Variants in SUPT3H observed in about 807,000 individuals in gnomAD.
SUPT3H encodes the protein transcription initiation protein SPT3 homolog.
A neutral mutation model predicts 44.3 loss-of-function variants in SUPT3H; 44 were observed. That is an observed-to-expected ratio of 0.99 (90% CI 0.78 to 1.28). SUPT3H has a LOEUF of 1.28. Among genes scored for constraint, SUPT3H ranks in the 50% most tolerant of loss-of-function variants. SUPT3H has a pLI of 0.00. For synonymous variants in SUPT3H, 124 were observed against 125.6 expected (o/e 0.99, Z 0.09); for missense variants, 380 against 387.1 (o/e 0.98, Z 0.15).
chr6:45,062,461 A>C (rs1792272436), intron 3 of SUPT3H, among the ~76,000 whole-genome samples: 1 of 151,964 alleles, frequency 6.6e-6, no homozygotes, highest in Admixed American at 6.6e-5. Context: ...TGAGGAGCCA[A>C]GATGGCCGAA....
intron 10 of SUPT3H, among the ~76,000 whole-genome samples, chr6:44,929,823 C>T (rs923890439): frequency 4.0e-5 from 6 of 151,314 alleles, no homozygotes; most frequent in Admixed American, 2.0e-4. Flanking sequence ...ACAGGGTGGC[C>T]GCGTTATTGA....
In SUPT3H at chr6:45,099,438, G is replaced by A. The variant is rs556593965; in HGVS notation, c.186+6484C>T. ...CCAAGTTTATAACCTCTATTCCAAT[G>A]CTTACTTTCCTCAATTCAACTCAAT... On this transcript the variant is annotated intron_variant, in intron 3 of 10. Transcript: ENST00000371459. 2.6e-5 allele frequency among the ~76,000 whole-genome samples: 4 copies of A among 151,446 alleles called. No individual in the cohort carries two copies. The South Asian group carries it at 8.3e-4, about 31-fold the overall frequency.
At chr6:45,051,715 C>T (rs1025158392) in intron 3 of SUPT3H, among the ~76,000 whole-genome samples, 6 of 151,904 alleles carry the variant, frequency 3.9e-5, no homozygotes, top group African/African-American at 9.7e-5. Flanking sequence ...TTGAGTATTG[C>T]CAGCTGAATA....
At chr6:45,362,044 T>A (rs1028804337) in intron 2 of SUPT3H, among the ~76,000 whole-genome samples, 2 of 151,992 alleles carry the variant, frequency 1.3e-5, no homozygotes, top group Non-Finnish European at 1.5e-5. Flanking sequence ...CAAAGCTAGA[T>A]TCCTCTCAAA....
chr6:44,948,229 A>T (rs561655713), intron 9 of SUPT3H, among the ~76,000 whole-genome samples: 1 of 152,298 alleles, frequency 6.6e-6, no homozygotes, highest in Non-Finnish European at 1.5e-5. Flanking sequence ...CACCTTATAC[A>T]AAAATTAATT....
intron 6 of SUPT3H, among the ~76,000 whole-genome samples, chr6:44,977,555 T>C (rs1400367439): frequency 6.6e-6 from 1 of 152,192 alleles, no homozygotes. Context: ...CTTGCCACCC[T>C]ACATGCATCT....
chr6:45,211,800 G>C (rs752681911), intron 2 of SUPT3H, among the ~76,000 whole-genome samples: 154 of 151,678 alleles, frequency 1.0e-3, no homozygotes, highest in Non-Finnish European at 1.5e-3. Context: ...AGTAAACTGA[G>C]ATAGCACCAC....
chr6:45,138,363 T>A (rs899198058), intron 2 of SUPT3H, among the ~76,000 whole-genome samples: 3 of 152,156 alleles, frequency 2.0e-5, no homozygotes, highest in Middle Eastern at 6.8e-3. Flanking sequence ...CAGCAATCCA[T>A]CCAAGAGAAC....
chr6:45,195,079 AAAC>A (rs1257081155), intron 2 of SUPT3H, among the ~76,000 whole-genome samples: 4 of 125,536 alleles, frequency 3.2e-5, no homozygotes, highest in South Asian at 5.7e-4. Context: ...TGTCAATAAA[AAAC>A]AATGAATTGG....
intron 3 of SUPT3H, among the ~76,000 whole-genome samples, chr6:45,089,171 C>T (rs1430833706): frequency 2.0e-5 from 3 of 151,960 alleles, no homozygotes; most frequent in African/African-American, 7.2e-5. Context: ...TTTAGTCCAC[C>T]TTAAAACAAA....
intron 6 of SUPT3H, among the ~76,000 whole-genome samples, chr6:44,969,444 A>G (rs1474008364): frequency 1.3e-5 from 2 of 152,158 alleles, no homozygotes; most frequent in Admixed American, 1.3e-4. Flanking sequence ...CAGAAAAAGC[A>G]TTTCAAAAGT....
intron 2 of SUPT3H, among the ~76,000 whole-genome samples, chr6:45,361,994 T>G (rs557155829): frequency 1.3e-5 from 2 of 152,224 alleles, no homozygotes; most frequent in South Asian, 4.1e-4. Context: ...GAGTTTACAG[T>G]GAGCAGAGAT....
At chr6:44,963,488 TCAAACAAA>T (rs529527828) in intron 6 of SUPT3H, among the ~76,000 whole-genome samples, 1 of 152,066 alleles carries the variant, frequency 6.6e-6, no homozygotes, top group Non-Finnish European at 1.5e-5. Context: ...AGACTCCGTC[TCAAACAAA>T]CAAACAAACA....
At chr6:44,852,995 T>C (rs1368019525) in intron 10 of SUPT3H, among the ~76,000 whole-genome samples, 1 of 120,628 alleles carries the variant, frequency 8.3e-6, no homozygotes, top group Non-Finnish European at 2.1e-5. Flanking sequence ...CATTTTTAAA[T>C]AATGTCCTAG....
chr6:45,270,953 G>A (rs1776030097), intron 2 of SUPT3H, among the ~76,000 whole-genome samples: 1 of 152,200 alleles, frequency 6.6e-6, no homozygotes, highest in Admixed American at 6.5e-5. Flanking sequence ...TTATGTTTCA[G>A]CAAAGAGATT....
chr6:44,908,305 C>A (rs993310758), intron 10 of SUPT3H, among the ~76,000 whole-genome samples: 1 of 151,936 alleles, frequency 6.6e-6, no homozygotes, highest in African/African-American at 2.4e-5. Flanking sequence ...GCGCCCACCA[C>A]CATGCCCAGC....
chr6:44,843,823 C>A (rs913217236), intron 10 of SUPT3H, among the ~76,000 whole-genome samples: 4 of 151,382 alleles, frequency 2.6e-5, no homozygotes, highest in Admixed American at 2.6e-4. Flanking sequence ...CGGTGTAATT[C>A]TTTTCTAAAT....
intron 2 of SUPT3H, among the ~76,000 whole-genome samples, chr6:45,311,140 G>C (rs957441004): frequency 6.6e-6 from 1 of 152,108 alleles, no homozygotes; most frequent in African/African-American, 2.4e-5. Flanking sequence ...AAATGCTCTG[G>C]AAAGTCTCAG....
At chr6:45,135,894 G>A (rs1335163994) in intron 2 of SUPT3H, among the ~76,000 whole-genome samples, 1 of 152,138 alleles carries the variant, frequency 6.6e-6, no homozygotes, top group East Asian at 1.9e-4. Context: ...GTAATTCTGG[G>A]AGGTGATTCA....
Sources: gnomAD v4.1 joint callset for allele counts (sites outside exome capture counted in the v4.1 genomes callset) on GRCh38, gnomAD v4.1.1 for gene constraint, MANE v1.5 for transcripts, NCBI Gene and HGNC (gene_info 2026-07-23, HGNC 2026-07-21) for gene names.